The following ERC2 variants were observed in gnomAD, a reference collection of about 807,000 sequenced individuals.
The protein encoded by ERC2 is ERC protein 2.
Under a neutral mutation model 114.8 loss-of-function variants are expected in ERC2, and 42 were observed. That is an observed-to-expected ratio of 0.37 (90% CI 0.29 to 0.47). The LOEUF (loss-of-function observed/expected upper bound fraction) is 0.47, where lower values mean the gene tolerates loss of function less well. Ranked by LOEUF, ERC2 falls within the 20% of genes least tolerant of loss-of-function variation. The pLI, the probability that ERC2 is intolerant of heterozygous loss-of-function variation, is 0.99. For synonymous variants in ERC2, 454 were observed against 425.5 expected, an observed-to-expected ratio of 1.07 and a Z score of -0.82; for missense variants, 939 against 1,150.7, an observed-to-expected ratio of 0.82 and a Z score of 2.66.
At chr3:56,054,056 A>T (rs2075892229) in intron 7 of ERC2, among the ~76,000 whole-genome samples, 1 of 152,194 alleles carries the variant, frequency 6.6e-6, no homozygotes, top group South Asian at 2.1e-4. Flanking sequence ...AGTAAGTTAA[A>T]CTTTGCTAAC....
intron 14 of ERC2, among the ~76,000 whole-genome samples, chr3:55,768,407 G>T (rs1408887620): frequency 6.6e-6 from 1 of 152,212 alleles, no homozygotes; most frequent in Non-Finnish European, 1.5e-5. Context: ...ACTGTGCTTT[G>T]TGATGGGGAT....
chr3:55,633,478 A>T (rs2059836798), intron 17 of ERC2, among the ~76,000 whole-genome samples: 1 of 152,026 alleles, frequency 6.6e-6, no homozygotes, highest in African/African-American at 2.4e-5. Context: ...AGGTGGAAAA[A>T]CACTGAGTGG....
intron 6 of ERC2, among the ~76,000 whole-genome samples, chr3:56,116,878 T>C (rs1472829960): frequency 1.3e-5 from 2 of 152,186 alleles, no homozygotes; most frequent in African/African-American, 4.8e-5. Context: ...TTATAAAAAA[T>C]GTATATTAAT....
At chr3:55,715,728 G>T (rs1225571949) in intron 15 of ERC2, among the ~76,000 whole-genome samples, 2 of 152,090 alleles carry the variant, frequency 1.3e-5, no homozygotes, top group Non-Finnish European at 2.9e-5. Flanking sequence ...TTTGGAAACT[G>T]GTAGAAAAAT....
intron 2 of ERC2, among the ~76,000 whole-genome samples, chr3:56,430,542 C>G (rs957766144): frequency 7.9e-5 from 12 of 152,174 alleles, no homozygotes; most frequent in African/African-American, 2.4e-4. Flanking sequence ...TAACACTGCA[C>G]TTTGGGAGGC....
intron 11 of ERC2, among the ~76,000 whole-genome samples, chr3:55,988,217 C>T (rs975707762): frequency 3.3e-5 from 5 of 152,128 alleles, no homozygotes; most frequent in Non-Finnish European, 7.3e-5. Flanking sequence ...CTGTAATATA[C>T]GTGACATCTG....
chr3:56,297,837 C>T (rs2055555837), intron 2 of ERC2, among the ~76,000 whole-genome samples: 1 of 152,206 alleles, frequency 6.6e-6, no homozygotes, highest in African/African-American at 2.4e-5. Context: ...ATAGCTGACA[C>T]TCAGAGGTAT....
chr3:55,725,780 G>C (rs1401099214), intron 15 of ERC2, among the ~76,000 whole-genome samples: 1 of 152,236 alleles, frequency 6.6e-6, no homozygotes, highest in African/African-American at 2.4e-5. Context: ...CCTTCTGATA[G>C]GGATTTGAAA....
intron 14 of ERC2, among the ~76,000 whole-genome samples, chr3:55,864,209 A>T (rs2062186886): frequency 7.1e-6 from 1 of 140,808 alleles, no homozygotes; most frequent in Non-Finnish European, 1.5e-5. Context: ...ATATATATAC[A>T]CACATATATA....
intron 3 of ERC2, among the ~76,000 whole-genome samples, chr3:56,260,435 C>A (rs1386827277): frequency 6.6e-6 from 1 of 152,218 alleles, no homozygotes; most frequent in Non-Finnish European, 1.5e-5. Context: ...AACAGGAGAA[C>A]ATCGCCCCCG....
intron 6 of ERC2, among the ~76,000 whole-genome samples, chr3:56,133,489 C>T (rs1019374758): frequency 6.6e-6 from 1 of 152,098 alleles, no homozygotes; most frequent in Non-Finnish European, 1.5e-5. Flanking sequence ...AAGTCATCTT[C>T]CTGACATGAA....
intron 14 of ERC2, among the ~76,000 whole-genome samples, chr3:55,755,071 G>A (rs563227647): frequency 6.7e-6 from 1 of 150,028 alleles, no homozygotes; most frequent in South Asian, 2.1e-4. Context: ...CTAGTGATTG[G>A]CTATTCATCT....
At chr3:55,589,990 C>T (rs2057792581) in intron 17 of ERC2, among the ~76,000 whole-genome samples, 1 of 152,122 alleles carries the variant, frequency 6.6e-6, no homozygotes, top group African/African-American at 2.4e-5. Context: ...CTTCAAAAGT[C>T]TCACATTCTC....
At chr3:56,220,055 A>G (rs1224042520) in intron 3 of ERC2, among the ~76,000 whole-genome samples, 1 of 152,202 alleles carries the variant, frequency 6.6e-6, no homozygotes, top group Non-Finnish European at 1.5e-5. Context: ...ACGACAAACA[A>G]AAGCAGATGC....
chr3:56,135,078 G>A lies in ERC2; in HGVS notation c.1473+4431C>T, dbSNP rs966607520. Among the ~76,000 whole-genome samples the A allele has an allele frequency of 3.9e-5, 6 of 152,028 alleles. No individual in the cohort carries two copies. The East Asian group carries it at 1.2e-3, about 30-fold the overall frequency. ...AGTGATTCTTGTGCCTCAGCCTCCT[G>A]AGGAGCTGGGACTACAGGCCCGTAC... On this transcript the variant is annotated intron_variant, in intron 6 of 17. Coordinates refer to ENST00000288221, the MANE Select transcript of ERC2 (RefSeq NM_015576.3).
chr3:56,116,704 AT>A (rs1312522093), intron 6 of ERC2, among the ~76,000 whole-genome samples: 1 of 151,804 alleles, frequency 6.6e-6, no homozygotes, highest in Non-Finnish European at 1.5e-5. Flanking sequence ...TCTTCTAGCC[AT>A]TTTTTTCCAT....
intron 17 of ERC2, among the ~76,000 whole-genome samples, chr3:55,540,450 C>T (rs2054316729): frequency 6.6e-6 from 1 of 152,168 alleles, no homozygotes; most frequent in Non-Finnish European, 1.5e-5. Context: ...ATCTTTTCTG[C>T]AAAGTATGGA....
At chr3:55,741,846 T>C (rs2065977968) in intron 14 of ERC2, among the ~76,000 whole-genome samples, 1 of 152,058 alleles carries the variant, frequency 6.6e-6, no homozygotes, top group Admixed American at 6.6e-5. Flanking sequence ...AGAAAGTGTA[T>C]CATAGACAGC....
intron 1 of ERC2, among the ~76,000 whole-genome samples, chr3:56,447,482 G>A (rs1175048773): frequency 6.6e-6 from 1 of 152,154 alleles, no homozygotes; most frequent in Non-Finnish European, 1.5e-5. Flanking sequence ...GGAGAGATTC[G>A]GAACTTCCAG....
Sources: gnomAD v4.1 joint callset for allele counts (sites outside exome capture counted in the v4.1 genomes callset) on GRCh38, gnomAD v4.1.1 for gene constraint, MANE v1.5 for transcripts, NCBI Gene and HGNC (gene_info 2026-07-23, HGNC 2026-07-21) for gene names.